The following NDC80 variants were observed in gnomAD, a reference collection of about 807,000 sequenced individuals.
NDC80 encodes kinetochore protein NDC80 homolog.
Under a neutral mutation model 89.3 loss-of-function variants are expected in NDC80, and 69 were observed. That is an observed-to-expected ratio of 0.77 (90% CI 0.64 to 0.94). The LOEUF (loss-of-function observed/expected upper bound fraction) is 0.94. Among genes scored for constraint, NDC80 ranks in the 40% least tolerant of loss-of-function variants. The pLI, the probability that NDC80 is intolerant of heterozygous loss-of-function variation, is 0.00. For synonymous variants in NDC80, 243 were observed against 255.6 expected (o/e 0.95, Z 0.47); for missense variants, 593 against 739.6 (o/e 0.80, Z 2.30).
intron 2 of NDC80, among the ~76,000 whole-genome samples, chr18:2,573,527 C>G (rs749205493): frequency 1.3e-5 from 2 of 152,332 alleles, no homozygotes; most frequent in Non-Finnish European, 2.9e-5. Context: ...CTCCTCCGAA[C>G]TCTTTCCTCA....
intron 16 of NDC80, among the ~76,000 whole-genome samples, chr18:2,612,832 T>C (rs1485919831): frequency 1.3e-5 from 2 of 152,234 alleles, no homozygotes. Flanking sequence ...GCAAAATTTA[T>C]GATTAATCAG....
At chr18:2,574,665 G>A (rs565149096) in intron 2 of NDC80, among the ~76,000 whole-genome samples, 4 of 151,942 alleles carry the variant, frequency 2.6e-5, no homozygotes, top group African/African-American at 9.7e-5. Flanking sequence ...GCAAATTTAG[G>A]GTAGAAAATG....
At chr18:2,610,645 C>A (rs1157350440) in intron 15 of NDC80, 114 bp from the exon 16 acceptor site, 1 of 563,244 alleles carries the variant, frequency 1.8e-6, no homozygotes, top group African/African-American at 1.9e-5. Flanking sequence ...GTATGCAGCA[C>A]ATAAATCAAT....
chr18:2,572,831 A>T (rs1297785713), intron 1 of NDC80, 146 bp from the exon 2 acceptor site: 3 of 617,732 alleles, frequency 4.9e-6, no homozygotes, highest in Admixed American at 5.9e-5. Flanking sequence ...AGTGTACATG[A>T]ACAAAAAAGA....
chr18:2,592,395 G>A (rs116153328), intron 10 of NDC80, among the ~76,000 whole-genome samples: 10,583 of 148,076 alleles, frequency 0.071, 961 homozygotes, highest in African/African-American at 0.21. Context: ...TCACTCTGTC[G>A]CCCAGGCTGG....
chr18:2,607,556 A>T (rs984335722), intron 14 of NDC80, among the ~76,000 whole-genome samples: 1 of 152,176 alleles, frequency 6.6e-6, no homozygotes, highest in African/African-American at 2.4e-5. Flanking sequence ...AAACTAAAAA[A>T]CTTCACTACT....
At position 2,605,290 on chromosome 18, in the gene NDC80, G is replaced by A. The variant is rs1180083374; in HGVS notation, c.1465-1125G>A. ...GCTATATGTATGTGTGTGTGTGTGTGTGTGTGTGTGTGTGTGTGTGTGTGT... is the reference window on the plus strand; with the variant it reads ...GCTATATGTATGTGTGTGTGTGTGTATGTGTGTGTGTGTGTGTGTGTGTGT... On this transcript the variant is annotated intron_variant, in intron 13 of 16. Coordinates refer to ENST00000261597, the MANE Select transcript of NDC80 (RefSeq NM_006101.3). Among the ~76,000 whole-genome samples the A allele has an allele frequency of 2.9e-5, 4 of 138,064 alleles. No individual in the cohort carries two copies. In the East Asian group the frequency reaches 6.2e-4, roughly 21 times the overall value. 90.6% of individuals were successfully genotyped at this position (138,064 alleles called of 152,430 possible).
In NDC80 at chr18:2,601,453, A is replaced by T. The variant is rs1266762319; in HGVS notation, c.1432A>T (p.Lys478Ter). The change falls in exon 13 of 17, where the codon AAA (lysine) becomes TAA (stop). Residue 478 changes from lysine (K) to a stop codon, truncating the protein, a stop_gained. Coordinates refer to ENST00000261597, the MANE Select transcript of NDC80 (RefSeq NM_006101.3). LOFTEE classifies it high-confidence loss of function. ...TEEEINKALNKKMGLEDTLEQ... is the reference protein window; with the variant it reads ...TEEEINKALN The stretch of plus-strand genomic sequence containing the variant: ...AGAAGAAATTAATAAAGCCCTAAAT[A>T]AAAAAATGGGTTTGGAGGATACTTT... The T allele has an allele frequency of 1.3e-6, 2 of 1,515,430 alleles. No homozygotes were observed. The highest frequency in any genetic ancestry group is 2.3e-5 in the East Asian group (1 of 43,030). The allele number at this position is 1,515,430 out of a possible 1,614,324, so 93.9% of individuals were successfully genotyped here.
intron 10 of NDC80, among the ~76,000 whole-genome samples, chr18:2,592,361 T>G (rs188521643): frequency 0.017 from 2,583 of 151,130 alleles, 35 homozygotes; most frequent in Non-Finnish European, 0.023. Flanking sequence ...TTATTTTGTT[T>G]TTTTTTTTTT....
At chr18:2,596,361 C>T (rs1258073051) in intron 11 of NDC80, among the ~76,000 whole-genome samples, 2 of 151,854 alleles carry the variant, frequency 1.3e-5, no homozygotes, top group South Asian at 2.1e-4. Flanking sequence ...AAAAAGTGGG[C>T]GAAGGACATG....
chr18:2,606,179 C>A lies in NDC80; in HGVS notation c.1465-236C>A, dbSNP rs140159019. On this transcript the variant is annotated intron_variant, in intron 13 of 16. Transcript: ENST00000261597. The stretch of plus-strand genomic sequence containing the variant: ...TATATATGAGAGCTTAAAAAGCACT[C>A]CCACAACAACTAGTGGAAAAACAGA... 7.2e-4 allele frequency among the ~76,000 whole-genome samples: 109 copies of A among 151,358 alleles called. No homozygotes were observed. The East Asian group carries it at 0.011, about 16-fold the overall frequency.
chr18:2,591,473 A>G (rs967413027), intron 10 of NDC80, among the ~76,000 whole-genome samples: 18 of 151,966 alleles, frequency 1.2e-4, no homozygotes, highest in African/African-American at 4.3e-4. Flanking sequence ...TGGGAGTTGT[A>G]TACATGGCCC....
intron 13 of NDC80, among the ~76,000 whole-genome samples, chr18:2,602,108 A>G (rs569645592): frequency 6.0e-4 from 91 of 152,282 alleles, no homozygotes; most frequent in African/African-American, 2.1e-3. Flanking sequence ...TAGGACACCA[A>G]GCAGTTAAAG....
chr18:2,586,688 T>C (rs1233488870), intron 7 of NDC80, among the ~76,000 whole-genome samples: 1 of 151,884 alleles, frequency 6.6e-6, no homozygotes, highest in Non-Finnish European at 1.5e-5. Context: ...CAAGATCATG[T>C]CACTGTACTG....
chr18:2,612,740 A>G lies in NDC80; in HGVS notation c.1791+1879A>G, dbSNP rs187083277. Among the ~76,000 whole-genome samples, 518 of 152,296 alleles carry G rather than the reference A, an allele frequency of 3.4e-3. 3 individuals carry two copies. Among genetic ancestry groups the G allele is most frequent in the African/African-American group, 0.012 (494 of 41,562 alleles). On this transcript the variant is annotated intron_variant, in intron 16 of 16. Transcript: ENST00000261597. ...GAAAACCTAATGGTAAGTTACTATT[A>G]TTTTTTAGTTTCTGTATAGTTTGGT...
chr18:2,573,601 G>C (rs192614800), intron 2 of NDC80, among the ~76,000 whole-genome samples: 7 of 152,308 alleles, frequency 4.6e-5, no homozygotes, highest in Admixed American at 1.3e-4. Context: ...CATTATGAGT[G>C]ATTATCTTCC....
chr18:2,613,576 T>C (rs527923520), intron 16 of NDC80, among the ~76,000 whole-genome samples: 1 of 152,342 alleles, frequency 6.6e-6, no homozygotes, highest in South Asian at 2.1e-4. Flanking sequence ...CCTTAAACTC[T>C]ACACAGAAAT....
chr18:2,609,859 C>A (rs545710056), intron 15 of NDC80, among the ~76,000 whole-genome samples: 1 of 152,232 alleles, frequency 6.6e-6, no homozygotes, highest in African/African-American at 2.4e-5. Flanking sequence ...CAGCTGGGTG[C>A]GGTTTTCTGC....
At chr18:2,588,834 A>G (rs2072613915) in intron 8 of NDC80, among the ~76,000 whole-genome samples, 1 of 152,160 alleles carries the variant, frequency 6.6e-6, no homozygotes, top group South Asian at 2.1e-4. Flanking sequence ...TATTCAAATA[A>G]ATATTTTTTG....
Sources: allele counts gnomAD v4.1 joint callset (sites outside exome capture counted in the v4.1 genomes callset), GRCh38; gene constraint gnomAD v4.1.1; transcripts MANE v1.5; gene names NCBI Gene and HGNC (gene_info 2026-07-23, HGNC 2026-07-21).